Variants in DHCR7 observed in about 807,000 individuals in gnomAD.
The protein encoded by DHCR7 is 7-DHC reductase.
DHCR7 carries 40 observed loss-of-function variants against 43.3 expected under a neutral mutation model. The ratio of observed to expected loss-of-function variants is 0.92; its 90% confidence interval spans 0.72 to 1.20. DHCR7 has a LOEUF of 1.20. Ranked by LOEUF, DHCR7 falls within the 50% of genes most tolerant of loss-of-function variation. The probability of loss-of-function intolerance (pLI) is 0.00; values close to 1 mark genes in which losing one functional copy is unlikely to be tolerated. For missense variants in DHCR7, 608 were observed against 644.6 expected (o/e 0.94, Z 0.62); for synonymous variants, 298 against 271.4 (o/e 1.10, Z -0.96).
intron 7 of DHCR7, 74 bp from the exon 8 acceptor site, chr11:71,438,017 C>G (rs1949306465): frequency 1.9e-6 from 3 of 1,575,290 alleles, no homozygotes; most frequent in Non-Finnish European, 2.6e-6. Context: ...AAATCACACT[C>G]CACGCAGATG....
intron 6 of DHCR7, among the ~76,000 whole-genome samples, chr11:71,439,586 G>A (rs28364772): frequency 0.022 from 3,337 of 152,258 alleles, 105 homozygotes; most frequent in East Asian, 0.065. Flanking sequence ...CCCTGGGCCC[G>A]GCTTCCAGCA....
intron 8 of DHCR7, among the ~76,000 whole-genome samples, chr11:71,437,206 C>A (rs553938959): frequency 2.0e-5 from 3 of 152,346 alleles, no homozygotes; most frequent in African/African-American, 7.2e-5. Context: ...AGCCTCTCCA[C>A]GTTGGTTCTC....
intron 8 of DHCR7, among the ~76,000 whole-genome samples, chr11:71,437,407 TGGGAG>T (rs1318243263): frequency 6.6e-6 from 1 of 152,178 alleles, no homozygotes; most frequent in African/African-American, 2.4e-5. Context: ...CTCGTTGAGC[TGGGAG>T]GGGAGTGGGG....
intron 8 of DHCR7, among the ~76,000 whole-genome samples, chr11:71,437,343 G>C (rs929228699): frequency 2.0e-5 from 3 of 152,182 alleles, no homozygotes; most frequent in African/African-American, 7.2e-5. Context: ...ATCTGGTCAA[G>C]CAGCCACCTT....
rs544661077 is a variant in DHCR7 at position 71,445,018 on chromosome 11, G to T, written c.-6-60C>A. 1.3e-5 allele frequency: 19 copies of T among 1,454,888 alleles called. No individual in the cohort carries two copies. The South Asian group carries it at 1.5e-4, about 11-fold the overall frequency. 90.1% of individuals were successfully genotyped at this position (1,454,888 alleles called of 1,614,324 possible). On this transcript the variant is annotated intron_variant, in intron 2 of 8. Coordinates refer to ENST00000355527, the MANE Select transcript of DHCR7 (RefSeq NM_001360.3). Reference sequence around the variant, plus strand: ...CAAATAACAGACACCACCTTTCCCTGTTGCATCCACCACTGCTCCTGGGCC... The same window carrying T: ...CAAATAACAGACACCACCTTTCCCTTTTGCATCCACCACTGCTCCTGGGCC...
At chr11:71,439,936 G>A (rs1319495191) in intron 6 of DHCR7, among the ~76,000 whole-genome samples, 3 of 152,152 alleles carry the variant, frequency 2.0e-5, no homozygotes, top group Non-Finnish European at 4.4e-5. Flanking sequence ...ACCACACTGG[G>A]GTTTTTTGGA....
At position 71,444,938 on chromosome 11, in the gene DHCR7, C is replaced by T. The variant is rs147038941; in HGVS notation, c.15G>A (p.Ser5=). Residue 5 remains serine (S), a synonymous_variant, in exon 3 of 9, where the codon TCG becomes TCA. Transcript: ENST00000355527. MAAK[S]QPNIPKAKSL... ...TCTTGGCTTTGGGAATGTTGGGTTG[C>T]GATTTTGCAGCCATTGGGCCCTGCA... 8.2e-5 allele frequency: 132 copies of T among 1,614,042 alleles called. No individual in the cohort carries two copies. Among genetic ancestry groups the T allele is most frequent in the Middle Eastern group, 1.6e-4 (1 of 6,084 alleles).
chr11:71,441,689 G>A (rs1949350122), intron 5 of DHCR7, among the ~76,000 whole-genome samples: 1 of 152,162 alleles, frequency 6.6e-6, no homozygotes, highest in Non-Finnish European at 1.5e-5. Context: ...CTGGCCATAG[G>A]CTGAGTGACA....
chr11:71,441,703 G>T lies in DHCR7; in HGVS notation c.413-263C>A, dbSNP rs564888495. ...ACTGGCCATAGGCTGAGTGACAGGT[G>T]TGCAGTCTGATAGGGAGGTCAGGGC... On this transcript the variant is annotated intron_variant, in intron 5 of 8. Transcript: ENST00000355527. Among the ~76,000 whole-genome samples, 28 of 152,318 alleles carry T rather than the reference G, an allele frequency of 1.8e-4. 1 individual carries two copies. The highest frequency in any genetic ancestry group is 1.1e-3 in the Admixed American group (17 of 15,302).
chr11:71,446,320 T>C (rs1485707904), intron 2 of DHCR7, among the ~76,000 whole-genome samples: 1 of 110,434 alleles, frequency 9.1e-6, no homozygotes. Flanking sequence ...TAAAAAGTCA[T>C]ATAAGGAAGG....
chr11:71,437,920 G>A lies in DHCR7; in HGVS notation c.855C>T (p.Phe285=), dbSNP rs781026169. ...TCTTCAGGTACCAGGTTTCGTTCCA[G>A]AAGAAGTCAATCACGTAGATGGCCT... The part of the protein sequence containing the change: ...VLQAIYVIDF[F]WNETWYLKTI... The change falls in exon 8 of 9, where the codon TTC becomes TTT. Residue 285 remains phenylalanine, a synonymous_variant. Coordinates refer to ENST00000355527, the MANE Select transcript of DHCR7 (RefSeq NM_001360.3). 1.6e-4 allele frequency: 261 copies of A among 1,613,560 alleles called. No individual in the cohort carries two copies. Among genetic ancestry groups the A allele is most frequent in the Non-Finnish European group, 2.1e-4 (244 of 1,180,014 alleles).
chr11:71,442,592 G>A (rs370073658), intron 4 of DHCR7, among the ~76,000 whole-genome samples: 130 of 152,220 alleles, frequency 8.5e-4, no homozygotes, highest in African/African-American at 2.5e-3. Flanking sequence ...TCAGGAGAGC[G>A]CACAGGTCCC....
chr11:71,428,645 C>A (rs529537355), exon 3 of DHCR7: 6 of 340,538 alleles, frequency 1.8e-5, no homozygotes, highest in South Asian at 1.1e-4. Context: ...GACCACCACA[C>A]CCTGGAGATC....
chr11:71,427,794 A>G (rs1417425988), downstream of DHCR7, among the ~76,000 whole-genome samples: 1 of 152,192 alleles, frequency 6.6e-6, no homozygotes, highest in African/African-American at 2.4e-5. Flanking sequence ...TTGTGACAAT[A>G]CATGTGACAT....
intron 8 of DHCR7, among the ~76,000 whole-genome samples, chr11:71,436,219 G>A (rs558534540): frequency 6.6e-6 from 1 of 152,344 alleles, no homozygotes; most frequent in South Asian, 2.1e-4. Context: ...AACACTAGTT[G>A]TAAAGGCATT....
In DHCR7 at chr11:71,435,616, A is replaced by T. The variant is rs760857590; in HGVS notation, c.1187T>A (p.Val396Glu). ...GCGGGCCACGCCCCAGAAGCCCGAC[A>T]CCAGCAGCTTGCTGTGGTGCCTCTG... ...DGQRHHSKLL[V>E]SGFWGVARHF... The change falls in exon 9 of 9, where the codon GTG becomes GAG. Residue 396 changes from valine to glutamate, a missense_variant. Physicochemically the swap from Val to Glu is moderately radical, Grantham distance 121. Coordinates refer to ENST00000355527, the MANE Select transcript of DHCR7 (RefSeq NM_001360.3). 6.2e-7 allele frequency: 1 copy of T among 1,610,490 alleles called. No individual in the cohort carries two copies.
At chr11:71,441,613 G>A (rs1332191702) in intron 5 of DHCR7, among the ~76,000 whole-genome samples, 173 bp from the exon 6 acceptor site, 1 of 152,148 alleles carries the variant, frequency 6.6e-6, no homozygotes, top group African/African-American at 2.4e-5. Flanking sequence ...CTTGGCCAAG[G>A]AACTACCTGC....
At chr11:71,448,529 T>G (rs1026182896), upstream of DHCR7, 9 of 152,264 alleles carry the variant, frequency 5.9e-5, no homozygotes, top group Admixed American at 5.9e-4. Flanking sequence ...GCGCCCGCCA[T>G]TCGGCAGCGG....
chr11:71,435,328 G>T lies in DHCR7; in HGVS notation c.*47C>A. On this transcript the variant is annotated 3_prime_UTR_variant, in exon 9 of 9. Transcript: ENST00000355527. ...GATGCCAGCCCCCATGGACCTGGCAGAACACGCTCTTGACAGCCCCACAGG... is the reference window on the plus strand; with the variant it reads ...GATGCCAGCCCCCATGGACCTGGCATAACACGCTCTTGACAGCCCCACAGG... 6.3e-7 allele frequency: 1 copy of T among 1,595,264 alleles called. No individual in the cohort carries two copies. The highest frequency in any genetic ancestry group is 1.1e-5 in the South Asian group (1 of 90,760).
Sources: gnomAD v4.1 joint callset for allele counts (sites outside exome capture counted in the v4.1 genomes callset) on GRCh38, gnomAD v4.1.1 for gene constraint, MANE v1.5 for transcripts, NCBI Gene and HGNC (gene_info 2026-07-23, HGNC 2026-07-21) for gene names.